CCDC83: variants seen among roughly 807,000 people sequenced by gnomAD.
The protein encoded by CCDC83 is coiled-coil domain containing 83.
Under a neutral mutation model 50.1 loss-of-function variants are expected in CCDC83, and 54 were observed. That is an observed-to-expected ratio of 1.08 (90% CI 0.87 to 1.35). The LOEUF (loss-of-function observed/expected upper bound fraction) is 1.35, where lower values mean the gene tolerates loss of function less well. Ranked by LOEUF, CCDC83 falls within the 40% of genes most tolerant of loss-of-function variation. The probability of loss-of-function intolerance (pLI) is 0.00; values close to 1 mark genes in which losing one functional copy is unlikely to be tolerated. For missense variants in CCDC83, 518 were observed against 473.9 expected, an observed-to-expected ratio of 1.09 and a Z score of -0.86; for synonymous variants, 161 against 153.3, an observed-to-expected ratio of 1.05 and a Z score of -0.37.
chr11:85,865,594 G>T lies in CCDC83; in HGVS notation c.95+376G>T, dbSNP rs187365182. 1.4e-3 allele frequency among the ~76,000 whole-genome samples: 217 copies of T among 152,278 alleles called. 1 individual carries two copies. The Middle Eastern group carries it at 0.027, about 19-fold the overall frequency. On this transcript the variant is annotated intron_variant, in intron 2 of 10. Coordinates refer to ENST00000342404, the MANE Select transcript of CCDC83 (RefSeq NM_001286159.2). Reference sequence around the variant, plus strand: ...ACAGAATGGTTAGTTTACATTTATAGAGAGTAGAAGAGGCCGGGCATGGTG... The same window carrying T: ...ACAGAATGGTTAGTTTACATTTATATAGAGTAGAAGAGGCCGGGCATGGTG...
intron 3 of CCDC83, among the ~76,000 whole-genome samples, chr11:85,876,561 G>A (rs966340958): frequency 1.3e-5 from 2 of 152,200 alleles, no homozygotes; most frequent in East Asian, 1.9e-4. Flanking sequence ...CTGGAGTGCA[G>A]TGGCGCGATC....
intron 2 of CCDC83, among the ~76,000 whole-genome samples, chr11:85,869,573 A>T (rs2093226170): frequency 6.6e-6 from 1 of 152,178 alleles, no homozygotes; most frequent in Admixed American, 6.5e-5. Context: ...CAATATAGAG[A>T]GTGGGGGAAA....
intron 6 of CCDC83, among the ~76,000 whole-genome samples, chr11:85,897,231 C>T (rs17148574): frequency 0.36 from 54,544 of 152,042 alleles, 10,650 homozygotes; most frequent in African/African-American, 0.49. Flanking sequence ...CCCTCAGCAA[C>T]CCAGTAAGCT....
At chr11:85,884,971 G>C (rs944957677) in intron 4 of CCDC83, among the ~76,000 whole-genome samples, 7 of 152,190 alleles carry the variant, frequency 4.6e-5, no homozygotes, top group African/African-American at 1.7e-4. Flanking sequence ...AGCACTTTGG[G>C]ATGCCAAGGC....
In CCDC83 at chr11:85,916,106, A is replaced by C. The variant is rs375934402; in HGVS notation, c.953A>C (p.His318Pro). 6.8e-6 allele frequency: 11 copies of C among 1,613,218 alleles called. No homozygotes were observed. The highest frequency in any genetic ancestry group is 9.3e-6 in the Non-Finnish European group (11 of 1,179,374). The change falls in exon 10 of 11, where the codon CAT (histidine) becomes CCT (proline). Residue 318 changes from histidine (H) to proline (P), a missense_variant. Transcript: ENST00000342404. Reference sequence around the variant, plus strand: ...TCATCAGATGAGAGCACTATCTTACATCTTAGTCATGAAAATAGCATCGAA... The same window carrying C: ...TCATCAGATGAGAGCACTATCTTACCTCTTAGTCATGAAAATAGCATCGAA... ...MSSSDESTIL[H>P]LSHENSIEDL... is the part of the protein sequence containing the mutation.
At position 85,861,881 on chromosome 11, in the gene CCDC83, C is replaced by T. The variant is rs1224656597; in HGVS notation, c.-28-3215C>T. ...AAAATTAGCCAGGCATGGTAGCATG[C>T]GCCTGTAATCCCAGCTACTCTGGAG... On this transcript the variant is annotated intron_variant, in intron 1 of 10. Coordinates refer to ENST00000342404, the MANE Select transcript of CCDC83 (RefSeq NM_001286159.2). 4.0e-5 allele frequency among the ~76,000 whole-genome samples: 6 copies of T among 151,274 alleles called. No individual in the cohort carries two copies. The South Asian group carries it at 1.3e-3, about 32-fold the overall frequency.
At chr11:85,877,843 C>A (rs1490283752) in intron 3 of CCDC83, among the ~76,000 whole-genome samples, 1 of 151,896 alleles carries the variant, frequency 6.6e-6, no homozygotes, top group Non-Finnish European at 1.5e-5. Context: ...TCCACTTCTA[C>A]AAAAATAAGT....
chr11:85,896,576 A>G (rs1188456878), intron 6 of CCDC83, among the ~76,000 whole-genome samples: 1 of 152,040 alleles, frequency 6.6e-6, no homozygotes, highest in Admixed American at 6.6e-5. Flanking sequence ...TATTAAAATA[A>G]AAGTTTTGAA....
intron 4 of CCDC83, among the ~76,000 whole-genome samples, chr11:85,884,171 G>A (rs866837043): frequency 1.3e-5 from 2 of 152,130 alleles, no homozygotes; most frequent in Non-Finnish European, 2.9e-5. Flanking sequence ...TGGGCCACAC[G>A]GCATGACTGA....
chr11:85,887,476 C>T (rs1234096609), intron 5 of CCDC83, among the ~76,000 whole-genome samples: 2 of 152,072 alleles, frequency 1.3e-5, no homozygotes, highest in East Asian at 3.9e-4. Flanking sequence ...AGCTTAGGGC[C>T]TCTGCACCAC....
At chr11:85,905,695 C>A (rs530244263) in intron 7 of CCDC83, among the ~76,000 whole-genome samples, 3 of 151,678 alleles carry the variant, frequency 2.0e-5, no homozygotes, top group African/African-American at 7.3e-5. Flanking sequence ...GAGGGCCAGG[C>A]GCAGTGGCTC....
intron 10 of CCDC83, chr11:85,916,441 C>A (rs4944546): frequency 0.21 from 113,281 of 538,290 alleles, 12,954 homozygotes; most frequent in East Asian, 0.37. Context: ...CCTCTATAGG[C>A]CTCCATTAAT....
intron 10 of CCDC83, among the ~76,000 whole-genome samples, chr11:85,917,155 A>AGGGG (rs1565159869): frequency 4.0e-5 from 4 of 100,178 alleles, no homozygotes; most frequent in Admixed American, 1.0e-4. Context: ...AGAGAGAGAG[A>AGGGG]GAGAGAGAGA....
At chr11:85,915,212 G>A (rs2093472214) in intron 8 of CCDC83, among the ~76,000 whole-genome samples, 1 of 152,088 alleles carries the variant, frequency 6.6e-6, no homozygotes, top group African/African-American at 2.4e-5. Context: ...CTCACACTAT[G>A]GTAATTACCC....
chr11:85,889,708 A>G (rs1592164612), intron 5 of CCDC83, among the ~76,000 whole-genome samples: 5 of 152,160 alleles, frequency 3.3e-5, no homozygotes, highest in Admixed American at 3.3e-4. Context: ...GCCTTCTTTC[A>G]TGATTTTCCT....
At chr11:85,902,465 GGAT>G (rs1484997443) in intron 7 of CCDC83, among the ~76,000 whole-genome samples, 1 of 152,166 alleles carries the variant, frequency 6.6e-6, no homozygotes, top group East Asian at 1.9e-4. Flanking sequence ...AAGTGTCTGA[GGAT>G]GATAATTGTG....
intron 2 of CCDC83, among the ~76,000 whole-genome samples, chr11:85,872,341 C>T (rs148526437): frequency 0.011 from 1,594 of 151,350 alleles, 16 homozygotes; most frequent in African/African-American, 0.035. Flanking sequence ...AAAAATTAGC[C>T]GGGTGTGGGG....
At chr11:85,881,461 C>T (rs1002242209) in intron 3 of CCDC83, among the ~76,000 whole-genome samples, 2 of 152,078 alleles carry the variant, frequency 1.3e-5, no homozygotes, top group African/African-American at 4.8e-5. Context: ...CTTTCTCTGT[C>T]ACCCAAGCTG....
At chr11:85,912,608 A>T in intron 8 of CCDC83, 1 of 1,176,450 alleles carries the variant, frequency 8.5e-7, no homozygotes. Flanking sequence ...GTTGCCCAGT[A>T]GGCAATGCTC....
Sources: allele counts gnomAD v4.1 joint callset (sites outside exome capture counted in the v4.1 genomes callset), GRCh38; gene constraint gnomAD v4.1.1; transcripts MANE v1.5; gene names NCBI Gene and HGNC (gene_info 2026-07-23, HGNC 2026-07-21).